Variants in ADAMTS13 observed in about 807,000 individuals in gnomAD.
The protein encoded by ADAMTS13 is ADAM metallopeptidase with thrombospondin type 1 motif 13.
In ADAMTS13, 110 loss-of-function variants were observed where a neutral mutation model predicts 155.1. The observed-to-expected ratio is 0.71, with a 90% CI of 0.61 to 0.83. ADAMTS13 has a LOEUF of 0.83. Ranked by LOEUF, ADAMTS13 falls within the 40% of genes least tolerant of loss-of-function variation. The pLI, the probability that ADAMTS13 is intolerant of heterozygous loss-of-function variation, is 0.00. For missense variants in ADAMTS13, 1,707 were observed against 1,891.7 expected, an observed-to-expected ratio of 0.90 and a Z score of 1.81; for synonymous variants, 758 against 756.4, an observed-to-expected ratio of 1.00 and a Z score of -0.03.
intron 18 of ADAMTS13, among the ~76,000 whole-genome samples, chr9:133,443,153 C>T (rs1841803484): frequency 6.6e-6 from 1 of 152,212 alleles, no homozygotes. Context: ...AGGGACGAGG[C>T]CATTCCTGCT....
At chr9:133,438,910 CAAAAAAA>C (rs34233340) in intron 14 of ADAMTS13, among the ~76,000 whole-genome samples, 3 of 111,200 alleles carry the variant, frequency 2.7e-5, no homozygotes, top group Non-Finnish European at 3.7e-5. Flanking sequence ...GACACTGTCT[CAAAAAAA>C]AAAAAAAAAA....
chr9:133,425,517 G>T lies in ADAMTS13; in HGVS notation c.331-12G>T. ...ACCCGACGGGTTACCTCTCTCATCTGCCCTTGCACAGGGGGCAGAACTGCT... is the reference window on the plus strand; with the variant it reads ...ACCCGACGGGTTACCTCTCTCATCTTCCCTTGCACAGGGGGCAGAACTGCT... On this transcript the variant is annotated splice_polypyrimidine_tract_variant and intron_variant, in intron 3 of 28. Transcript: ENST00000355699. This position sits in a 1 kb window ranked among gnomAD's most constrained non-coding sequence, Gnocchi z 4.6. 1 of 1,611,460 alleles carries T rather than the reference G, an allele frequency of 6.2e-7. No individual in the cohort carries two copies.
chr9:133,414,573 G>A (rs1681777229), exon 1 of ADAMTS13: 1 of 1,071,620 alleles, frequency 9.3e-7, no homozygotes, highest in Non-Finnish European at 1.5e-6. Flanking sequence ...GTGATGGAGA[G>A]ACTGCGGTGA....
Position 133,430,001 on chromosome 9 carries a change from C to G in ADAMTS13, c.887C>G (p.Pro296Arg), listed in dbSNP as rs782102945. The G allele has an allele frequency of 6.4e-7, 1 of 1,568,292 alleles. No homozygotes were observed. The highest frequency in any genetic ancestry group is 8.6e-7 in the Non-Finnish European group (1 of 1,162,052). The change falls in exon 8 of 29, where the codon CCG becomes CGG. Residue 296 changes from proline (P) to arginine (R), a missense_variant. Physicochemically the swap from Pro to Arg is moderately radical, Grantham distance 103. Coordinates refer to ENST00000355699, the MANE Select transcript of ADAMTS13 (RefSeq NM_139027.6). ...PRPQPGSAGH[P>R]PDAQPGLYYS... ...CCTCAACCCGGGTCCGCGGGGCACC[C>G]GCCGGATGCGCAGCCTGGCCTCTAC...
Position 133,459,158 on chromosome 9 carries a change from G to T in ADAMTS13, c.4094G>T (p.Trp1365Leu). 2 of 1,611,096 alleles carry T rather than the reference G, an allele frequency of 1.2e-6. No homozygotes were observed. The highest frequency in any genetic ancestry group is 1.7e-6 in the Non-Finnish European group (2 of 1,179,052). ...WVPEMQDPQS[W>L]KGKEGT ...CCGGAGATGCAGGACCCTCAGTCCT[G>T]GAAGGGAAAGGAAGGAACCTGAGGG... The change falls in exon 29 of 29, where the codon TGG (tryptophan) becomes TTG (leucine). Residue 1365 changes from tryptophan to leucine, a missense_variant. Trp to Leu is a moderately conservative substitution (Grantham distance 61). Coordinates refer to ENST00000355699, the MANE Select transcript of ADAMTS13 (RefSeq NM_139027.6).
chr9:133,440,324 C>T lies in ADAMTS13; in HGVS notation c.1787-20C>T. On this transcript the variant is annotated intron_variant, in intron 15 of 28. Transcript: ENST00000355699. This position sits in a 1 kb window ranked among gnomAD's most constrained non-coding sequence, Gnocchi z 4.3. ...TGGGTGCTCAGCTCCACACAGCTAA[C>T]AGGGCTGGTTCCCCGACAGCGGTGA... 1 of 1,613,788 alleles carries T rather than the reference C, an allele frequency of 6.2e-7. No individual in the cohort carries two copies. The highest frequency in any genetic ancestry group is 1.3e-5 in the African/African-American group (1 of 75,058).
intron 11 of ADAMTS13, among the ~76,000 whole-genome samples, chr9:133,435,380 G>C (rs1234541428): frequency 2.0e-5 from 3 of 151,616 alleles, no homozygotes; most frequent in Admixed American, 2.0e-4. Flanking sequence ...TAGAGATGGA[G>C]TTTCCACCAC....
In ADAMTS13 at chr9:133,456,601, G is replaced by A; in HGVS notation, c.3606G>A (p.Leu1202=). Residue 1202 remains leucine (L), a synonymous_variant, in exon 27 of 29, where the codon TTG becomes TTA. Coordinates refer to ENST00000355699, the MANE Select transcript of ADAMTS13 (RefSeq NM_139027.6). The surrounding 1 kb of genome is among the most constrained non-coding windows in gnomAD (Gnocchi z 4.4). ...GGAGGAAGATGTGCAGGAAGCTGTT[G>A]GACATGACTTTCAGCTCCAAGACCA... ...LTWRKMCRKL[L]DMTFSSKTNT... 1 of 1,613,340 alleles carries A rather than the reference G, an allele frequency of 6.2e-7. No individual in the cohort carries two copies. Among genetic ancestry groups the A allele is most frequent in the Non-Finnish European group, 8.5e-7 (1 of 1,179,906 alleles).
Position 133,425,523 on chromosome 9 carries a change from G to A in ADAMTS13, c.331-6G>A. 1.9e-6 allele frequency: 3 copies of A among 1,612,388 alleles called. No homozygotes were observed. Among genetic ancestry groups the A allele is most frequent in the Non-Finnish European group, 2.5e-6 (3 of 1,179,526 alleles). On this transcript the variant is annotated splice_region_variant and splice_polypyrimidine_tract_variant and intron_variant, in intron 3 of 28. Coordinates refer to ENST00000355699, the MANE Select transcript of ADAMTS13 (RefSeq NM_139027.6). The surrounding 1 kb of genome is among the most constrained non-coding windows in gnomAD (Gnocchi z 4.6). Reference sequence around the variant, plus strand: ...CGGGTTACCTCTCTCATCTGCCCTTGCACAGGGGGCAGAACTGCTTCGGGA... The same window carrying A: ...CGGGTTACCTCTCTCATCTGCCCTTACACAGGGGGCAGAACTGCTTCGGGA...
chr9:133,433,329 G>T (rs1554788027), intron 9 of ADAMTS13, 49 bp from the exon 10 acceptor site: 13 of 1,609,530 alleles, frequency 8.1e-6, no homozygotes, highest in Non-Finnish European at 1.0e-5. Context: ...TGGGAGTCCT[G>T]TGGTGGGGTC....
In ADAMTS13 at chr9:133,448,597, A is replaced by G; in HGVS notation, c.2732-2A>G. 1 of 1,609,688 alleles carries G rather than the reference A, an allele frequency of 6.2e-7. No individual in the cohort carries two copies. Among genetic ancestry groups the G allele is most frequent in the Non-Finnish European group, 8.5e-7 (1 of 1,179,782 alleles). ...CTCTGGGTCTCTGCTTTGTCCACGCAGGTCTGATGGAGCTGCGTTTCCTGT... is the reference window on the plus strand; with the variant it reads ...CTCTGGGTCTCTGCTTTGTCCACGCGGGTCTGATGGAGCTGCGTTTCCTGT... On this transcript the variant is annotated splice_acceptor_variant, in intron 21 of 28. Coordinates refer to ENST00000355699, the MANE Select transcript of ADAMTS13 (RefSeq NM_139027.6). LOFTEE classifies it high-confidence loss of function.
Position 133,455,564 on chromosome 9 carries a change from C to A in ADAMTS13, c.3400+129C>A, listed in dbSNP as rs782200824. ...CTTCTCCCCGGCTCCCCAGCCTCGG[C>A]GGCTCCTGCCCGGGCCCCAGGAAAA... On this transcript the variant is annotated intron_variant, in intron 25 of 28. Coordinates refer to ENST00000355699, the MANE Select transcript of ADAMTS13 (RefSeq NM_139027.6). 9 of 1,607,818 alleles carry A rather than the reference C, an allele frequency of 5.6e-6. No individual in the cohort carries two copies. Among genetic ancestry groups the A allele is most frequent in the Non-Finnish European group, 7.6e-6 (9 of 1,179,952 alleles).
In ADAMTS13 at chr9:133,458,632, A is replaced by G. The variant is rs4962153; in HGVS notation, c.3910-342A>G. On this transcript the variant is annotated intron_variant, in intron 28 of 28. Coordinates refer to ENST00000355699, the MANE Select transcript of ADAMTS13 (RefSeq NM_139027.6). ...CTGATGTAGACTGACAGCTAACCCA[A>G]GACTGAAGCATAATTTTACAGTCTG... 0.8 allele frequency among the ~76,000 whole-genome samples: 118,834 copies of G among 148,890 alleles called. 48,042 individuals are homozygous for G. Among genetic ancestry groups the G allele is most frequent in the East Asian group, 0.93 (4,691 of 5,044 alleles).
At chr9:133,417,847 T>C, upstream of ADAMTS13, 1 of 1,598,204 alleles carries the variant, frequency 6.3e-7, no homozygotes, top group Non-Finnish European at 8.5e-7. Context: ...TTCCCCATCC[T>C]GCTGCCGTCC....
Position 133,444,965 on chromosome 9 carries a change from A to C in ADAMTS13, c.2523A>C (p.Pro841=). The change falls in exon 20 of 29, where the codon CCA becomes CCC. Residue 841 remains proline, a synonymous_variant. Transcript: ENST00000355699. ...CVPGADGLEA[P]VTEGPGSVDE... ...CAGGGGCAGATGGCCTGGAGGCTCC[A>C]GTGACTGAGGGGCCTGGCTCCGTAG... 1.2e-6 allele frequency: 2 copies of C among 1,613,488 alleles called. No individual in the cohort carries two copies. The highest frequency in any genetic ancestry group is 1.7e-6 in the Non-Finnish European group (2 of 1,180,024).
chr9:133,453,486 AAAAC>A (rs1258047337), intron 23 of ADAMTS13, among the ~76,000 whole-genome samples: 5 of 151,914 alleles, frequency 3.3e-5, no homozygotes, highest in Non-Finnish European at 7.4e-5. Context: ...CTCAAAAACA[AAAAC>A]AAACAAACAA....
Position 133,447,994 on chromosome 9 carries a change from C to CT in ADAMTS13, c.2732-591dup, listed in dbSNP as rs782297820. Among the ~76,000 whole-genome samples, 191 of 140,050 alleles carry CT rather than the reference C, an allele frequency of 1.4e-3. 1 individual carries two copies. The highest frequency in any genetic ancestry group is 7.4e-3 in the Middle Eastern group (2 of 272). 91.9% of individuals were successfully genotyped at this position (140,050 alleles called of 152,430 possible). ...GATTTTCATATTGTGATTTTTTTTT[C>CT]TTTTTTTTTTTTTTGAGATGGAGTC... On this transcript the variant is annotated intron_variant, in intron 21 of 28. Transcript: ENST00000355699.
Position 133,424,443 on chromosome 9 carries a change from G to A in ADAMTS13, c.295G>A (p.Asp99Asn). The A allele has an allele frequency of 1.2e-6, 2 of 1,613,892 alleles. No homozygotes were observed. Among genetic ancestry groups the A allele is most frequent in the Non-Finnish European group, 1.7e-6 (2 of 1,179,976 alleles). ...CGATGTCTTCCAGGCTCACCAGGAG[G>A]ACACAGAGCGCTATGTGCTCACCAA... Reference protein sequence around the residue: ...GPDVFQAHQEDTERYVLTNLN... With the variant: ...GPDVFQAHQENTERYVLTNLN... The change falls in exon 3 of 29, where the codon GAC becomes AAC. Residue 99 changes from aspartate (D) to asparagine (N), a missense_variant. Transcript: ENST00000355699. This position sits in a 1 kb window ranked among gnomAD's most constrained non-coding sequence, Gnocchi z 4.3.
chr9:133,437,798 C>T lies in ADAMTS13; in HGVS notation c.1485C>T (p.Ile495=). Reference sequence around the variant, plus strand: ...GCCGGGCCATTGGCGAGAGCTTCATCATGAAGCGTGGAGACAGCTTCCTCG... The same window carrying T: ...GCCGGGCCATTGGCGAGAGCTTCATTATGAAGCGTGGAGACAGCTTCCTCG... ...HMCRAIGESF[I]MKRGDSFLDG... is the part of the protein sequence containing the mutation. Residue 495 remains isoleucine (I), a synonymous_variant, in exon 13 of 29, where the codon ATC becomes ATT. Transcript: ENST00000355699. 6.2e-7 allele frequency: 1 copy of T among 1,614,000 alleles called. No individual in the cohort carries two copies. Among genetic ancestry groups the T allele is most frequent in the Non-Finnish European group, 8.5e-7 (1 of 1,180,046 alleles).
Sources: gnomAD v4.1 joint callset for allele counts (sites outside exome capture counted in the v4.1 genomes callset) on GRCh38, gnomAD v4.1.1 for gene constraint, Gnocchi (gnomAD v3.1) non-coding constraint, MANE v1.5 for transcripts, NCBI Gene and HGNC (gene_info 2026-07-23, HGNC 2026-07-21) for gene names.